TAB2: variants seen among roughly 807,000 people sequenced by gnomAD.
TAB2 encodes TGF-beta-activated kinase 1 and MAP3K7-binding protein 2.
A neutral mutation model predicts 65.0 loss-of-function variants in TAB2; 3 were observed. The ratio of observed to expected loss-of-function variants is 0.05; its 90% confidence interval spans 0.02 to 0.12. The LOEUF (loss-of-function observed/expected upper bound fraction) is 0.12. Among genes scored for constraint, TAB2 ranks in the 10% least tolerant of loss-of-function variants. TAB2 has a pLI of 1.00. For missense variants in TAB2, 623 were observed against 840.3 expected (o/e 0.74, Z 3.20); for synonymous variants, 298 against 285.1 (o/e 1.05, Z -0.46).
chr6:149,278,203 G>A (rs757181014), intron 1 of TAB2, among the ~76,000 whole-genome samples: 2 of 152,150 alleles, frequency 1.3e-5, no homozygotes, highest in Non-Finnish European at 2.9e-5. Flanking sequence ...TGTACCTGTT[G>A]TAATAAATAT....
chr6:149,316,641 T>C (rs527643280), upstream of TAB2, among the ~76,000 whole-genome samples: 54 of 151,802 alleles, frequency 3.6e-4, no homozygotes, highest in African/African-American at 1.2e-3. Context: ...TTTTTTTCCC[T>C]AGGGGGACAC....
At chr6:149,285,752 G>A (rs9485371) in intron 1 of TAB2, among the ~76,000 whole-genome samples, 21 of 152,036 alleles carry the variant, frequency 1.4e-4, no homozygotes, top group South Asian at 2.1e-4. Flanking sequence ...ACAAACTGAC[G>A]TGCTTGTAAA....
At chr6:149,387,294 A>G (rs1211087720) in intron 3 of TAB2, among the ~76,000 whole-genome samples, 2 of 152,142 alleles carry the variant, frequency 1.3e-5, no homozygotes, top group Non-Finnish European at 2.9e-5. Flanking sequence ...ATATCATGGC[A>G]TGAAGTAAGA....
chr6:149,241,657 A>G (rs912220195), intron 1 of TAB2, among the ~76,000 whole-genome samples: 7 of 152,246 alleles, frequency 4.6e-5, no homozygotes, highest in Non-Finnish European at 1.0e-4. Flanking sequence ...TCAAAACTGC[A>G]TAAAAGACTC....
intron 3 of TAB2, among the ~76,000 whole-genome samples, chr6:149,390,599 C>T (rs1781951627): frequency 6.6e-6 from 1 of 151,998 alleles, no homozygotes; most frequent in Non-Finnish European, 1.5e-5. Context: ...CTCCATTGTT[C>T]GTGAGCTAAC....
intron 1 of TAB2, among the ~76,000 whole-genome samples, chr6:149,303,345 C>T (rs1779002289): frequency 6.6e-6 from 1 of 152,142 alleles, no homozygotes; most frequent in South Asian, 2.1e-4. Context: ...AAAACCGGTC[C>T]CTAGTGCTAA....
intron 6 of TAB2, chr6:149,400,788 G>A: frequency 1.1e-5 from 13 of 1,204,044 alleles, no homozygotes; most frequent in Non-Finnish European, 1.2e-6. Flanking sequence ...GACTACTACA[G>A]TATAGTTTTC....
chr6:149,352,069 C>T (rs1780510972), intron 1 of TAB2, among the ~76,000 whole-genome samples: 1 of 152,058 alleles, frequency 6.6e-6, no homozygotes, highest in South Asian at 2.1e-4. Context: ...ATAGTAAAGG[C>T]CAATACTTTG....
intron 1 of TAB2, among the ~76,000 whole-genome samples, chr6:149,275,234 GAGAAAGAAAGAAAGAAAGAAAGAA>G (rs746637120): frequency 6.2e-3 from 406 of 65,392 alleles, no homozygotes; most frequent in African/African-American, 0.031. Flanking sequence ...GGGAGAGAGA[GAGAAAGAAAGAAAGAAAGAAAGAA>G]AGAAAGAAAG....
chr6:149,275,955 T>C (rs1302789423), intron 1 of TAB2, among the ~76,000 whole-genome samples: 1 of 152,218 alleles, frequency 6.6e-6, no homozygotes, highest in Admixed American at 6.5e-5. Flanking sequence ...TAATGTGGTA[T>C]CCTGGGTAGG....
In TAB2 at chr6:149,317,926, C is replaced by T. The variant is rs961216755; in HGVS notation, c.-179C>T. On this transcript the variant is annotated 5_prime_UTR_variant, in exon 1 of 7. Transcript: ENST00000637181. This position sits in a 1 kb window ranked among gnomAD's most constrained non-coding sequence, Gnocchi z 4.7. Reference sequence around the variant, plus strand: ...GCGGCGCTGGCGGCGGCCGTGGTGGCGGAGGCGACGGTGGAGACGGCTGCC... The same window carrying T: ...GCGGCGCTGGCGGCGGCCGTGGTGGTGGAGGCGACGGTGGAGACGGCTGCC... The T allele has an allele frequency of 1.5e-4, 26 of 171,422 alleles. No homozygotes were observed. Among genetic ancestry groups the T allele is most frequent in the Non-Finnish European group, 3.0e-4 (25 of 82,432 alleles). The allele number at this position is 171,422 out of a possible 1,614,324, so 10.6% of individuals were successfully genotyped here.
At chr6:149,381,394 G>A (rs1023847409) in intron 3 of TAB2, among the ~76,000 whole-genome samples, 13 of 151,934 alleles carry the variant, frequency 8.6e-5, no homozygotes, top group African/African-American at 3.1e-4. Flanking sequence ...GTTTCCTATG[G>A]TTGGATAGTT....
At chr6:149,287,413 C>A (rs148177120) in intron 1 of TAB2, among the ~76,000 whole-genome samples, 1 of 151,430 alleles carries the variant, frequency 6.6e-6, no homozygotes, top group African/African-American at 2.4e-5. Context: ...AATATTAAAT[C>A]GGTAGAAATA....
rs142062141 is a variant in TAB2 at position 149,240,096 on chromosome 6, G to A, written c.-121+21320G>A. 3.7e-4 allele frequency among the ~76,000 whole-genome samples: 56 copies of A among 152,282 alleles called. No homozygotes were observed. The South Asian group carries it at 4.4e-3, about 12-fold the overall frequency. ...CCAGGCTGCCCCTGCTGAAGGTAGC[G>A]CCAAACTGCCCCGTTGTGCTATCTT... On this transcript the variant is annotated intron_variant, in intron 1 of 1. Coordinates refer to the TAB2 transcript ENST00000606202.
chr6:149,387,333 A>G (rs542748169), intron 3 of TAB2, among the ~76,000 whole-genome samples: 1 of 152,330 alleles, frequency 6.6e-6, no homozygotes, highest in Non-Finnish European at 1.5e-5. Context: ...GCATGTGGCT[A>G]TCCAAGTATC....
chr6:149,242,056 C>G (rs928938499), intron 1 of TAB2, among the ~76,000 whole-genome samples: 1 of 152,142 alleles, frequency 6.6e-6, no homozygotes, highest in Non-Finnish European at 1.5e-5. Context: ...GCTCCAGCTT[C>G]CCATTAGGAA....
chr6:149,386,807 TC>T (rs1350803319), intron 3 of TAB2, among the ~76,000 whole-genome samples: 2 of 152,232 alleles, frequency 1.3e-5, no homozygotes, highest in Non-Finnish European at 2.9e-5. Context: ...TTACTTGCCA[TC>T]CTAGTGGCTG....
chr6:149,339,604 T>TTTTTG (rs1491369397), intron 1 of TAB2, among the ~76,000 whole-genome samples: 4 of 61,064 alleles, frequency 6.6e-5, no homozygotes, highest in African/African-American at 2.1e-4. Flanking sequence ...TTTATTTATT[T>TTTTTG]ATTTTTTTTT....
chr6:149,380,034 G>A (rs1456140714), intron 3 of TAB2: 2 of 437,336 alleles, frequency 4.6e-6, no homozygotes, highest in South Asian at 3.2e-5. Flanking sequence ...GAGCCCAGGA[G>A]TTTGAGACCA....
Sources: allele counts gnomAD v4.1 joint callset (sites outside exome capture counted in the v4.1 genomes callset), GRCh38; gene constraint gnomAD v4.1.1; non-coding constraint Gnocchi (gnomAD v3.1); transcripts MANE v1.5; gene names NCBI Gene and HGNC (gene_info 2026-07-23, HGNC 2026-07-21).